Variants in STOM observed in about 807,000 individuals in gnomAD.
The protein encoded by STOM is erythrocyte band 7 integral membrane protein.
Under a neutral mutation model 30.6 loss-of-function variants are expected in STOM, and 25 were observed. That is an observed-to-expected ratio of 0.82 (90% CI 0.60 to 1.14). The LOEUF is 1.14. Among genes scored for constraint, STOM ranks in the 50% most tolerant of loss-of-function variants. The probability of loss-of-function intolerance (pLI) is 0.00; values close to 1 mark genes in which losing one functional copy is unlikely to be tolerated. For synonymous variants in STOM, 118 were observed against 130.8 expected, an observed-to-expected ratio of 0.90 and a Z score of 0.67; for missense variants, 292 against 365.2, an observed-to-expected ratio of 0.80 and a Z score of 1.63.
At chr9:121,363,933 A>T (rs2134045166) in intron 1 of STOM, among the ~76,000 whole-genome samples, 2 of 152,354 alleles carry the variant, frequency 1.3e-5, no homozygotes, top group East Asian at 3.9e-4. Flanking sequence ...AAAATAAGCA[A>T]AAGGGCAGGT....
intron 6 of STOM, among the ~76,000 whole-genome samples, chr9:121,346,933 T>C (rs1248512272): frequency 6.6e-6 from 1 of 152,252 alleles, no homozygotes; most frequent in African/African-American, 2.4e-5. Flanking sequence ...CAAATTGGTT[T>C]GCTCCTTGTG....
intron 1 of STOM, among the ~76,000 whole-genome samples, chr9:121,363,747 GT>G (rs1456738431): frequency 6.6e-6 from 1 of 152,208 alleles, no homozygotes; most frequent in African/African-American, 2.4e-5. Context: ...CGCTGTTCCT[GT>G]TTTATGTCAG....
At position 121,341,210 on chromosome 9, in the gene STOM, G is replaced by A; in HGVS notation, c.859C>T (p.Leu287=). The A allele has an allele frequency of 1.9e-6, 3 of 1,614,142 alleles. No individual in the cohort carries two copies. The highest frequency in any genetic ancestry group is 2.5e-6 in the Non-Finnish European group (3 of 1,180,032). Residue 287 remains leucine (L), a synonymous_variant, in exon 7 of 7, where the codon CTA becomes TTA. Coordinates refer to ENST00000286713, the MANE Select transcript of STOM (RefSeq NM_004099.6). ...QGIIGAKHSH[L]G is the part of the protein sequence containing the mutation. ...TAGCGCTCATCTCTACACTAGCCTA[G>A]ATGGCTGTGTTTTGCCCCTATGATT... is the stretch of plus-strand genomic sequence containing the variant.
chr9:121,366,283 GA>G lies in STOM; in HGVS notation c.61+3843del, dbSNP rs938273156. On this transcript the variant is annotated intron_variant, in intron 1 of 6. Transcript: ENST00000286713. ...CAGCAGACAGAGAAAGATTAAAAAA[GA>G]ATGTAGCAACAAGTGTGTGTCAATA... is the stretch of plus-strand genomic sequence containing the variant. 4 of 983,650 alleles carry G rather than the reference GA, an allele frequency of 4.1e-6. No individual in the cohort carries two copies. In the African/African-American group the frequency reaches 7.0e-5, roughly 17 times the overall value. The allele number at this position is 983,650 out of a possible 1,614,324, so 60.9% of individuals were successfully genotyped here.
chr9:121,340,442 T>C lies in STOM; in HGVS notation c.*760A>G. 1 of 985,396 alleles carries C rather than the reference T, an allele frequency of 1.0e-6. No homozygotes were observed. Among genetic ancestry groups the C allele is most frequent in the Non-Finnish European group, 1.2e-6 (1 of 829,934 alleles). 61.0% of individuals were successfully genotyped at this position (985,396 alleles called of 1,614,324 possible). On this transcript the variant is annotated 3_prime_UTR_variant, in exon 7 of 7. Coordinates refer to ENST00000286713, the MANE Select transcript of STOM (RefSeq NM_004099.6). ...ATGAACATTAGGGAAATTTCCTTAA[T>C]TAAGACTCTCCAAACCAGGTGTGGT...
rs183408472 is a variant in STOM at position 121,358,038 on chromosome 9, C to G, written c.62-1882G>C. On this transcript the variant is annotated intron_variant, in intron 1 of 6. Transcript: ENST00000286713. ...GCTTTGCAGCTGGGTGCAGGGGTCA[C>G]ACCTGTAATCCCAGCACTTTGGGAG... 4.4e-4 allele frequency among the ~76,000 whole-genome samples: 67 copies of G among 152,098 alleles called. 2 individuals carry two copies. In the South Asian group the frequency reaches 0.014, roughly 31 times the overall value.
chr9:121,351,091 G>T (rs549544374), intron 4 of STOM, among the ~76,000 whole-genome samples: 45 of 152,324 alleles, frequency 3.0e-4, no homozygotes, highest in African/African-American at 1.0e-3. Context: ...CAGGGGATCA[G>T]AAAAAGGATT....
intron 5 of STOM, among the ~76,000 whole-genome samples, chr9:121,348,532 T>C (rs1033611571): frequency 3.3e-5 from 5 of 152,218 alleles, no homozygotes; most frequent in Non-Finnish European, 5.9e-5. Context: ...TGCCAACTCC[T>C]GAGCTAATGT....
intron 4 of STOM, among the ~76,000 whole-genome samples, chr9:121,349,665 G>A (rs931724563): frequency 4.6e-5 from 7 of 152,158 alleles, no homozygotes; most frequent in African/African-American, 1.7e-4. Context: ...TACCTGAATT[G>A]AATCTTGAAG....
chr9:121,355,777 T>G (rs1214769199), intron 2 of STOM, among the ~76,000 whole-genome samples: 1 of 152,206 alleles, frequency 6.6e-6, no homozygotes, highest in African/African-American at 2.4e-5. Context: ...GAAGAACTTG[T>G]TCTCTCAGAA....
At chr9:121,345,309 T>C (rs1293154917) in intron 6 of STOM, among the ~76,000 whole-genome samples, 1 of 152,198 alleles carries the variant, frequency 6.6e-6, no homozygotes, top group Non-Finnish European at 1.5e-5. Context: ...AGAGTTCTAG[T>C]TCCTCTCTCA....
intron 1 of STOM, among the ~76,000 whole-genome samples, chr9:121,358,940 T>G (rs890729951): frequency 2.6e-5 from 4 of 152,232 alleles, no homozygotes; most frequent in African/African-American, 7.2e-5. Context: ...GCTTTCACTA[T>G]CATCCTGGGA....
chr9:121,342,231 G>A (rs1403528649), intron 6 of STOM, among the ~76,000 whole-genome samples: 3 of 152,042 alleles, frequency 2.0e-5, no homozygotes, highest in African/African-American at 4.8e-5. Context: ...TTAGCTGGGC[G>A]TTGTGGCAAG....
At chr9:121,359,052 G>T (rs867136371) in intron 1 of STOM, among the ~76,000 whole-genome samples, 1 of 152,232 alleles carries the variant, frequency 6.6e-6, no homozygotes, top group Non-Finnish European at 1.5e-5. Context: ...GACTGAGAAG[G>T]CCAAGGGATA....
At chr9:121,346,457 C>T (rs1335264650) in intron 6 of STOM, among the ~76,000 whole-genome samples, 1 of 152,202 alleles carries the variant, frequency 6.6e-6, no homozygotes. Context: ...AAGTGTTTGC[C>T]ACCTATGGAA....
In STOM at chr9:121,353,201, T is replaced by A. The variant is rs568259162; in HGVS notation, c.321+19A>T. The A allele has an allele frequency of 6.5e-7, 1 of 1,527,884 alleles. No homozygotes were observed. The highest frequency in any genetic ancestry group is 1.2e-5 in the South Asian group (1 of 86,902). The allele number at this position is 1,527,884 out of a possible 1,614,324, so 94.6% of individuals were successfully genotyped here. A position where few individuals can be genotyped will look rare whatever the true frequency, so the allele number is the denominator to read the frequency against. On this transcript the variant is annotated intron_variant, in intron 4 of 6. Coordinates refer to ENST00000286713, the MANE Select transcript of STOM (RefSeq NM_004099.6). ...GCACTTTCACATATGATACCTCAGT[T>A]ATTCAAAGAAAACCTTACCTCCTGA... is the stretch of plus-strand genomic sequence containing the variant.
At chr9:121,349,023 C>T (rs1232088800) in intron 5 of STOM, 97 bp downstream of exon 5, 24 of 1,387,668 alleles carry the variant, frequency 1.7e-5, no homozygotes, top group Middle Eastern at 2.1e-4. Context: ...GTCACAGACC[C>T]CCACAACTTG....
rs186846177 is a variant in STOM, at chr9:121,341,550, T to G, written c.661-142A>C. 28 of 1,071,978 alleles carry G rather than the reference T, an allele frequency of 2.6e-5. No homozygotes were observed. In the East Asian group the frequency reaches 7.3e-4, roughly 28 times the overall value. The allele number at this position is 1,071,978 out of a possible 1,614,324, so 66.4% of individuals were successfully genotyped here. On this transcript the variant is annotated intron_variant, in intron 6 of 6. Coordinates refer to ENST00000286713, the MANE Select transcript of STOM (RefSeq NM_004099.6). ...CCAGAGTAGTTTTAAGAAAATCAAT[T>G]TCTACATACTCAGTTTCCATATGCT...
chr9:121,363,861 C>T (rs1471118601), intron 1 of STOM, among the ~76,000 whole-genome samples: 1 of 152,194 alleles, frequency 6.6e-6, no homozygotes, highest in Non-Finnish European at 1.5e-5. Context: ...TTCTCAGTTT[C>T]TCCCTTTTGC....
Sources: gnomAD v4.1 joint callset for allele counts (sites outside exome capture counted in the v4.1 genomes callset) on GRCh38, gnomAD v4.1.1 for gene constraint, MANE v1.5 for transcripts, NCBI Gene and HGNC (gene_info 2026-07-23, HGNC 2026-07-21) for gene names.